Variants in ADARB2 observed in about 807,000 individuals in gnomAD.
ADARB2 encodes adenosine deaminase RNA specific B2 (inactive), also known as inactive double-stranded RNA-specific editase B2.
Under a neutral mutation model 62.2 loss-of-function variants are expected in ADARB2, and 25 were observed. The observed-to-expected ratio is 0.40, with a 90% CI of 0.29 to 0.56. The LOEUF is 0.56. ADARB2 is among the 20% of genes least tolerant of loss of function. ADARB2 has a pLI of 0.43. For synonymous variants in ADARB2, 572 were observed against 500.8 expected (o/e 1.14, Z -1.90); for missense variants, 1,071 against 1,077.4 (o/e 0.99, Z 0.08).
chr10:1,423,147 G>T (rs1297801324), intron 1 of ADARB2, among the ~76,000 whole-genome samples: 2 of 152,196 alleles, frequency 1.3e-5, no homozygotes, highest in African/African-American at 4.8e-5. Flanking sequence ...ATGGCCATTG[G>T]GTTCCAGCTC....
chr10:1,430,419 A>G (rs1438619189), intron 1 of ADARB2, among the ~76,000 whole-genome samples: 1 of 152,266 alleles, frequency 6.6e-6, no homozygotes, highest in Non-Finnish European at 1.5e-5. Context: ...TAAATGGCTT[A>G]TAACACTAAT....
intron 1 of ADARB2, among the ~76,000 whole-genome samples, chr10:1,720,382 G>A (rs969167251): frequency 1.2e-4 from 18 of 152,250 alleles, no homozygotes; most frequent in East Asian, 1.9e-4. Context: ...AGAAGGGTCC[G>A]GAGAAGAACA....
At chr10:1,733,706 TA>T (rs1181307674) in intron 1 of ADARB2, among the ~76,000 whole-genome samples, 1 of 152,230 alleles carries the variant, frequency 6.6e-6, no homozygotes, top group Non-Finnish European at 1.5e-5. Flanking sequence ...CACATTGAGC[TA>T]TTTTCTAATA....
chr10:1,687,540 G>A (rs1199429956), intron 1 of ADARB2, among the ~76,000 whole-genome samples: 1 of 151,870 alleles, frequency 6.6e-6, no homozygotes, highest in Non-Finnish European at 1.5e-5. Flanking sequence ...CACCAAGACA[G>A]CCTCATTATT....
At chr10:1,555,830 CA>C (rs1832692890) in intron 1 of ADARB2, among the ~76,000 whole-genome samples, 1 of 152,058 alleles carries the variant, frequency 6.6e-6, no homozygotes, top group Non-Finnish European at 1.5e-5. Flanking sequence ...AGCTACTCGG[CA>C]GGCTGAGGCA....
At chr10:1,445,287 C>A (rs1830956017) in intron 1 of ADARB2, among the ~76,000 whole-genome samples, 1 of 151,956 alleles carries the variant, frequency 6.6e-6, no homozygotes. Flanking sequence ...CCCACCCACC[C>A]ATCTATTCAT....
intron 6 of ADARB2, among the ~76,000 whole-genome samples, chr10:1,226,742 G>A (rs1830750658): frequency 6.6e-6 from 1 of 152,234 alleles, no homozygotes; most frequent in African/African-American, 2.4e-5. Context: ...GTGAACCGCA[G>A]ATGCTTCTGC....
At chr10:1,286,304 G>A (rs371537251) in intron 3 of ADARB2, among the ~76,000 whole-genome samples, 2 of 152,176 alleles carry the variant, frequency 1.3e-5, no homozygotes, top group Admixed American at 6.5e-5. Context: ...GAAAATGGAA[G>A]ATGATCTTCC....
intron 7 of ADARB2, 42 bp downstream of exon 7, chr10:1,216,909 C>T (rs767116562): frequency 1.8e-5 from 28 of 1,588,662 alleles, no homozygotes; most frequent in Middle Eastern, 1.7e-4. Context: ...CACTCCCCAC[C>T]GGCCGCAGCC....
At chr10:1,389,781 A>T (rs550653136) in intron 1 of ADARB2, among the ~76,000 whole-genome samples, 2 of 149,820 alleles carry the variant, frequency 1.3e-5, no homozygotes, top group Admixed American at 1.3e-4. Flanking sequence ...ATAAATAAAT[A>T]AATAATAAAT....
chr10:1,715,954 C>T (rs1322280275), intron 1 of ADARB2, among the ~76,000 whole-genome samples: 1 of 152,248 alleles, frequency 6.6e-6, no homozygotes, highest in Non-Finnish European at 1.5e-5. Flanking sequence ...CGACTGCTAA[C>T]TTGGTGCACC....
At chr10:1,562,433 TCC>T (rs1367177569) in intron 1 of ADARB2, among the ~76,000 whole-genome samples, 3 of 144,424 alleles carry the variant, frequency 2.1e-5, no homozygotes, top group South Asian at 4.7e-4. Context: ...GAGAAAAGGT[TCC>T]CAGCATTTCT....
intron 3 of ADARB2, among the ~76,000 whole-genome samples, chr10:1,313,310 A>T (rs1276112896): frequency 6.6e-6 from 1 of 152,170 alleles, no homozygotes; most frequent in East Asian, 1.9e-4. Context: ...CCTGTCCCCC[A>T]TCGCCACTCC....
intron 1 of ADARB2, among the ~76,000 whole-genome samples, chr10:1,669,913 TAGAG>T (rs1346332695): frequency 7.1e-6 from 1 of 140,694 alleles, no homozygotes; most frequent in Non-Finnish European, 1.6e-5. Context: ...GACACACCCA[TAGAG>T]AGATGCACAC....
chr10:1,429,096 T>A (rs1044580862), intron 1 of ADARB2, among the ~76,000 whole-genome samples: 3 of 152,250 alleles, frequency 2.0e-5, no homozygotes, highest in Admixed American at 6.5e-5. Context: ...ATTCTGGTTG[T>A]GATGGTGTGC....
chr10:1,575,246 A>AG (rs917869295), intron 1 of ADARB2, among the ~76,000 whole-genome samples: 3 of 25,282 alleles, frequency 1.2e-4, no homozygotes, highest in African/African-American at 4.6e-4. Context: ...TTTGTTTCTT[A>AG]AAAAAAAATT....
At chr10:1,685,133 T>C (rs940510320) in intron 1 of ADARB2, among the ~76,000 whole-genome samples, 4 of 152,166 alleles carry the variant, frequency 2.6e-5, no homozygotes, top group African/African-American at 9.7e-5. Flanking sequence ...CCAGATTCTC[T>C]TTCTATGAGC....
At chr10:1,590,446 C>A (rs1833236711) in intron 1 of ADARB2, among the ~76,000 whole-genome samples, 1 of 152,130 alleles carries the variant, frequency 6.6e-6, no homozygotes, top group South Asian at 2.1e-4. Context: ...AATATATCCA[C>A]ATGGTTAAAT....
chr10:1,381,195 C>T (rs199990016), intron 1 of ADARB2, among the ~76,000 whole-genome samples: 1 of 124,048 alleles, frequency 8.1e-6, no homozygotes, highest in Non-Finnish European at 1.8e-5. Flanking sequence ...CACACACACA[C>T]ATATATACTT....
Sources: allele counts gnomAD v4.1 joint callset (sites outside exome capture counted in the v4.1 genomes callset), GRCh38; gene constraint gnomAD v4.1.1; transcripts MANE v1.5; gene names NCBI Gene and HGNC (gene_info 2026-07-23, HGNC 2026-07-21).